The following SH3TC2 variants were observed in gnomAD, a reference collection of about 807,000 sequenced individuals.
The protein encoded by SH3TC2 is SH3 domain and tetratricopeptide repeats 2.
SH3TC2 carries 87 observed loss-of-function variants against 124.5 expected under a neutral mutation model. The observed-to-expected ratio is 0.70, with a 90% CI of 0.59 to 0.84. The LOEUF is 0.84. Ranked by LOEUF, SH3TC2 falls within the 40% of genes least tolerant of loss-of-function variation. SH3TC2 has a pLI of 0.00. For missense variants in SH3TC2, 1,536 were observed against 1,566.4 expected (o/e 0.98, Z 0.33); for synonymous variants, 634 against 628.5 (o/e 1.01, Z -0.13).
In SH3TC2 at chr5:149,041,635, A is replaced by G; in HGVS notation, c.530-18T>C. On this transcript the variant is annotated intron_variant, in intron 5 of 16. Transcript: ENST00000515425. ...GAAGTGGCCTGTGGATAATGAGAAA[A>G]GCAATGGCTTTCTAAGGAGTAGCAG... The G allele has an allele frequency of 6.2e-7, 1 of 1,613,234 alleles. No individual in the cohort carries two copies. Among genetic ancestry groups the G allele is most frequent in the Middle Eastern group, 1.7e-4 (1 of 6,034 alleles).
At position 149,008,873 on chromosome 5, in the gene SH3TC2, G is replaced by T; in HGVS notation, c.3456C>A (p.Ala1152=). The T allele has an allele frequency of 6.2e-7, 1 of 1,614,120 alleles. No individual in the cohort carries two copies. Among genetic ancestry groups the T allele is most frequent in the South Asian group, 1.1e-5 (1 of 91,080 alleles). ...CACCTGTGACTGTGCTGAGCCTGGC[G>T]GCCAGGGTGGCAAATTCCAAAGCCT... The part of the protein sequence containing the change: ...YEKALEFATL[A]ARLSTVTGDQ... Residue 1152 remains alanine, a synonymous_variant, in exon 15 of 17, where the codon GCC becomes GCA. Coordinates refer to ENST00000515425, the MANE Select transcript of SH3TC2 (RefSeq NM_024577.4).
intron 2 of SH3TC2, among the ~76,000 whole-genome samples, chr5:149,048,609 T>C (rs1754506636): frequency 6.6e-6 from 1 of 152,218 alleles, no homozygotes; most frequent in Admixed American, 6.5e-5. Flanking sequence ...TATCAAGAGC[T>C]TTCTATAAGC....
Position 149,040,273 on chromosome 5 carries a change from C to T in SH3TC2, c.805+331G>A, listed in dbSNP as rs147963338. On this transcript the variant is annotated intron_variant, in intron 7 of 16. Coordinates refer to ENST00000515425, the MANE Select transcript of SH3TC2 (RefSeq NM_024577.4). ...CAGCCCACAGGCCGCATTTGGCTCA[C>T]GAAACATTTAATTTGGCCCTGTTTT... Among the ~76,000 whole-genome samples, 431 of 152,274 alleles carry T rather than the reference C, an allele frequency of 2.8e-3. 4 individuals carry two copies. Among genetic ancestry groups the T allele is most frequent in the African/African-American group, 9.6e-3 (397 of 41,550 alleles).
At position 149,038,315 on chromosome 5, in the gene SH3TC2, A is replaced by G. The variant is rs768989557; in HGVS notation, c.981T>C (p.Asp327=). Residue 327 remains aspartate (D), a synonymous_variant, in exon 8 of 17, where the codon GAT becomes GAC. Transcript: ENST00000515425. The part of the protein sequence containing the change: ...QVGFVPTRNI[D]PDSYSPMSRN... ...CTCACATTGGGGAATAAGAATCAGG[A>G]TCTATGTTCCTGGTGGGGACAAAGC... The G allele has an allele frequency of 6.2e-7, 1 of 1,614,170 alleles. No individual in the cohort carries two copies. The highest frequency in any genetic ancestry group is 1.7e-5 in the Admixed American group (1 of 60,030).
At chr5:149,016,318 C>T (rs74930437) in intron 12 of SH3TC2, among the ~76,000 whole-genome samples, 2,563 of 152,276 alleles carry the variant, frequency 0.017, 67 homozygotes, top group African/African-American at 0.056. Context: ...TCCAGCAGTG[C>T]CGAATTTCTG....
At chr5:149,010,134 T>A in intron 14 of SH3TC2, 136 bp downstream of exon 14, 1 of 1,175,794 alleles carries the variant, frequency 8.5e-7, no homozygotes, top group Non-Finnish European at 1.2e-6. Flanking sequence ...AGTGAGTAGG[T>A]GGGCACTGGA....
In SH3TC2 at chr5:148,987,817, G is replaced by GTA. The variant is rs1753357783; in HGVS notation, c.*16893_*16894insTA. On this transcript the variant is annotated 3_prime_UTR_variant, in exon 17 of 17. Coordinates refer to ENST00000515425, the MANE Select transcript of SH3TC2 (RefSeq NM_024577.4). ...GAGGCCTCATTCAAAATCTGTGTGT[G>GTA]TGTGTGTGTGTGTGTGTGTGTGTGT... is the stretch of plus-strand genomic sequence containing the variant. Among the ~76,000 whole-genome samples, 1 of 137,754 alleles carries GTA rather than the reference G, an allele frequency of 7.3e-6. No individual in the cohort carries two copies. Among genetic ancestry groups the GTA allele is most frequent in the South Asian group, 2.2e-4 (1 of 4,586 alleles). The allele number at this position is 137,754 out of a possible 152,430, so 90.4% of individuals were successfully genotyped here.
chr5:149,062,570 T>C (rs889545235), intron 1 of SH3TC2, among the ~76,000 whole-genome samples: 27 of 152,234 alleles, frequency 1.8e-4, no homozygotes, highest in South Asian at 4.1e-4. Context: ...CTGACAAAAA[T>C]AGGCTTGAAT....
intron 9 of SH3TC2, among the ~76,000 whole-genome samples, chr5:149,030,998 C>A (rs527617494): frequency 6.6e-6 from 1 of 152,310 alleles, no homozygotes; most frequent in East Asian, 1.9e-4. Context: ...GATCTGATCC[C>A]ATGACACAGA....
intron 15 of SH3TC2, 83 bp downstream of exon 15, chr5:149,008,768 G>A: frequency 6.3e-7 from 1 of 1,584,888 alleles, no homozygotes; most frequent in East Asian, 2.2e-5. Flanking sequence ...CTGACTCCAG[G>A]GCCTGCGGTG....
intron 4 of SH3TC2, among the ~76,000 whole-genome samples, chr5:149,043,112 C>T (rs1249703068): frequency 6.6e-6 from 1 of 152,148 alleles, no homozygotes; most frequent in East Asian, 1.9e-4. Flanking sequence ...AATGAGATGA[C>T]CAAAACCAAC....
chr5:149,034,315 G>A (rs1754247187), intron 8 of SH3TC2: 1 of 169,906 alleles, frequency 5.9e-6, no homozygotes, highest in Middle Eastern at 2.5e-3. Context: ...TCAGAATTTA[G>A]CCTGGTGTGA....
intron 6 of SH3TC2, among the ~76,000 whole-genome samples, chr5:149,040,972 T>C (rs1754359578): frequency 6.6e-6 from 1 of 152,184 alleles, no homozygotes; most frequent in Non-Finnish European, 1.5e-5. Flanking sequence ...GTCCATGGTG[T>C]GGGGTAATGT....
intron 12 of SH3TC2, among the ~76,000 whole-genome samples, chr5:149,016,385 G>T (rs1168461696): frequency 6.6e-6 from 1 of 152,016 alleles, no homozygotes; most frequent in Non-Finnish European, 1.5e-5. Context: ...TAAAAGTCCT[G>T]AAGTTTTAAA....
chr5:149,004,459 T>A lies in SH3TC2; in HGVS notation c.*252A>T. On this transcript the variant is annotated 3_prime_UTR_variant, in exon 17 of 17. Coordinates refer to ENST00000515425, the MANE Select transcript of SH3TC2 (RefSeq NM_024577.4). ...GAAAGTGCTTTTCAGAGGCTGTTTGTGTGGAAGGCAACAGTCAACCGGTAA... is the reference window on the plus strand; with the variant it reads ...GAAAGTGCTTTTCAGAGGCTGTTTGAGTGGAAGGCAACAGTCAACCGGTAA... 1.9e-6 allele frequency: 1 copy of A among 525,544 alleles called. No individual in the cohort carries two copies. The highest frequency in any genetic ancestry group is 3.4e-6 in the Non-Finnish European group (1 of 294,192). The allele number at this position is 525,544 out of a possible 1,614,324, so 32.6% of individuals were successfully genotyped here.
rs1231071766 is a variant in SH3TC2, at chr5:148,999,186, C to A, written c.*5525G>T. Reference sequence around the variant, plus strand: ...AGAAAGAGCTTCAGACCCAAGTGTCCCTGAATGCAGGACCAGGGTGCCTGG... The same window carrying A: ...AGAAAGAGCTTCAGACCCAAGTGTCACTGAATGCAGGACCAGGGTGCCTGG... On this transcript the variant is annotated 3_prime_UTR_variant, in exon 17 of 17. Transcript: ENST00000515425. Among the ~76,000 whole-genome samples the A allele has an allele frequency of 6.6e-6, 1 of 152,168 alleles. No individual in the cohort carries two copies. The highest frequency in any genetic ancestry group is 1.9e-4 in the East Asian group (1 of 5,190).
chr5:149,006,400 A>G, intron 16 of SH3TC2: 1 of 199,224 alleles, frequency 5.0e-6, no homozygotes. Context: ...ATGCACCCAC[A>G]TTTCTCATAA....
At position 148,995,622 on chromosome 5, in the gene SH3TC2, A is replaced by G. The variant is rs557649260; in HGVS notation, c.*9089T>C. 1.2e-4 allele frequency among the ~76,000 whole-genome samples: 19 copies of G among 152,316 alleles called. No individual in the cohort carries two copies. The highest frequency in any genetic ancestry group is 4.6e-4 in the African/African-American group (19 of 41,562). ...CATGAGCAATAAGTAGTTATATTATAGTTTTAAAACTTTCTCCCTGAAGGT... is the reference window on the plus strand; with the variant it reads ...CATGAGCAATAAGTAGTTATATTATGGTTTTAAAACTTTCTCCCTGAAGGT... On this transcript the variant is annotated 3_prime_UTR_variant, in exon 17 of 17. Transcript: ENST00000515425.
rs759819424 is a variant in SH3TC2, at chr5:149,026,917, C to T, written c.2815G>A (p.Gly939Ser). Residue 939 changes from glycine (G) to serine (S), a missense_variant, in exon 11 of 17, where the codon GGC (glycine) becomes AGC (serine). By Grantham distance (56) the Gly-to-Ser change is moderately conservative. Coordinates refer to ENST00000515425, the MANE Select transcript of SH3TC2 (RefSeq NM_024577.4). ...AATGCCATTTCATAACAAAGAAGGC[C>T]ATGGGTCAGCTGGTGTCCAGACACC... Reference protein sequence around the residue: ...VLVSGHQLTHGLLCYEMALLF... With the variant: ...VLVSGHQLTHSLLCYEMALLF... 1.2e-6 allele frequency: 2 copies of T among 1,614,176 alleles called. No homozygotes were observed. Among genetic ancestry groups the T allele is most frequent in the Non-Finnish European group, 1.7e-6 (2 of 1,180,042 alleles).
Sources: gnomAD v4.1 joint callset for allele counts (sites outside exome capture counted in the v4.1 genomes callset) on GRCh38, gnomAD v4.1.1 for gene constraint, MANE v1.5 for transcripts, NCBI Gene and HGNC (gene_info 2026-07-23, HGNC 2026-07-21) for gene names.